TMEM117: variants seen among roughly 807,000 people sequenced by gnomAD.
TMEM117 encodes transmembrane protein 117.
TMEM117 carries 27 observed loss-of-function variants against 52.4 expected under a neutral mutation model. That is an observed-to-expected ratio of 0.51 (90% CI 0.38 to 0.71). The LOEUF is 0.71. Ranked by LOEUF, TMEM117 falls within the 30% of genes least tolerant of loss-of-function variation. TMEM117 has a pLI of 0.00. For missense variants in TMEM117, 556 were observed against 630.5 expected (o/e 0.88, Z 1.26); for synonymous variants, 215 against 206.3 (o/e 1.04, Z -0.36).
intron 4 of TMEM117, among the ~76,000 whole-genome samples, chr12:44,143,902 G>A (rs1948605605): frequency 6.6e-6 from 1 of 152,074 alleles, no homozygotes; most frequent in Non-Finnish European, 1.5e-5. Context: ...ATGTATGTTT[G>A]AGCATATAAA....
chr12:44,335,312 T>A (rs972627067), intron 6 of TMEM117, among the ~76,000 whole-genome samples: 1 of 152,078 alleles, frequency 6.6e-6, no homozygotes, highest in African/African-American at 2.4e-5. Flanking sequence ...ATATTTAGAT[T>A]AGATTACAAC....
intron 6 of TMEM117, among the ~76,000 whole-genome samples, chr12:44,311,928 TA>T (rs1252586570): frequency 2.0e-5 from 3 of 148,122 alleles, no homozygotes; most frequent in Non-Finnish European, 3.0e-5. Context: ...TATATATATA[TA>T]TTTTTCCTCC....
intron 4 of TMEM117, among the ~76,000 whole-genome samples, chr12:44,175,199 G>A (rs1031707119): frequency 1.3e-5 from 2 of 152,166 alleles, no homozygotes; most frequent in African/African-American, 4.8e-5. Context: ...ATTTCAGTTA[G>A]GAGTTTAGGC....
At chr12:44,074,864 G>GC (rs1947356854) in intron 3 of TMEM117, among the ~76,000 whole-genome samples, 1 of 151,952 alleles carries the variant, frequency 6.6e-6, no homozygotes, top group Non-Finnish European at 1.5e-5. Flanking sequence ...GAACATGCTA[G>GC]CATCTCTTGC....
chr12:44,015,586 T>A (rs886228810), intron 3 of TMEM117, among the ~76,000 whole-genome samples: 2 of 152,152 alleles, frequency 1.3e-5, no homozygotes, highest in African/African-American at 4.8e-5. Context: ...AGCTAGAACT[T>A]GCCAGAATTT....
intron 3 of TMEM117, among the ~76,000 whole-genome samples, chr12:44,076,481 A>G (rs902956046): frequency 2.7e-4 from 41 of 152,284 alleles, no homozygotes; most frequent in African/African-American, 9.6e-4. Flanking sequence ...AAAACTAATA[A>G]TGGATCATTA....
At chr12:44,175,941 A>G (rs1442604691) in intron 4 of TMEM117, among the ~76,000 whole-genome samples, 1 of 152,214 alleles carries the variant, frequency 6.6e-6, no homozygotes, top group Non-Finnish European at 1.5e-5. Context: ...TGTAGAAATA[A>G]TCTGGAGACA....
intron 5 of TMEM117, among the ~76,000 whole-genome samples, chr12:44,234,187 T>C: frequency 6.6e-6 from 1 of 151,498 alleles, no homozygotes; most frequent in Admixed American, 6.6e-5. Context: ...ATTGATTTCT[T>C]GAATATTTGG....
Position 43,864,992 on chromosome 12 carries a change from A to G in TMEM117, c.277+20064A>G, listed in dbSNP as rs917541022. On this transcript the variant is annotated intron_variant, in intron 2 of 7. Coordinates refer to ENST00000266534, the MANE Select transcript of TMEM117 (RefSeq NM_032256.3). ...AGACCCGCCACCTTAAGAGAGCTGT[A>G]ACACTCACCGTGAAGGTCTGCAGCT... Among the ~76,000 whole-genome samples the G allele has an allele frequency of 5.9e-5, 9 of 152,248 alleles. No homozygotes were observed. In the East Asian group the frequency reaches 1.4e-3, roughly 23 times the overall value.
At chr12:44,145,810 G>C (rs1948634862) in intron 4 of TMEM117, among the ~76,000 whole-genome samples, 1 of 152,168 alleles carries the variant, frequency 6.6e-6, no homozygotes, top group South Asian at 2.1e-4. Context: ...TACTGAACCT[G>C]ACAAAAGTTA....
intron 6 of TMEM117, among the ~76,000 whole-genome samples, chr12:44,374,616 TTGTGTG>T (rs5742462): frequency 0.14 from 19,839 of 144,830 alleles, 1,482 homozygotes; most frequent in Non-Finnish European, 0.18. Flanking sequence ...AAGGAACTAT[TTGTGTG>T]TGTGTGTGTG....
At chr12:44,277,076 A>C (rs1330324629) in intron 5 of TMEM117, among the ~76,000 whole-genome samples, 1 of 152,178 alleles carries the variant, frequency 6.6e-6, no homozygotes, top group Non-Finnish European at 1.5e-5. Flanking sequence ...TTGGGAAAAG[A>C]GGTAGATACA....
At chr12:43,834,678 T>A (rs951828350), upstream of TMEM117, among the ~76,000 whole-genome samples, 2 of 152,224 alleles carry the variant, frequency 1.3e-5, no homozygotes, top group Non-Finnish European at 2.9e-5. Flanking sequence ...AGCTGCTGAA[T>A]GACATTTCGG....
intron 5 of TMEM117, among the ~76,000 whole-genome samples, chr12:44,215,812 G>C (rs1311400396): frequency 6.6e-6 from 1 of 151,650 alleles, no homozygotes; most frequent in African/African-American, 2.4e-5. Flanking sequence ...GTGCTCATTA[G>C]GGCTTCACAA....
chr12:44,194,991 A>G (rs1368239218), intron 4 of TMEM117, among the ~76,000 whole-genome samples: 3 of 152,198 alleles, frequency 2.0e-5, no homozygotes, highest in South Asian at 2.1e-4. Context: ...ATTTCCATCT[A>G]TATGCTGTGC....
intron 4 of TMEM117, among the ~76,000 whole-genome samples, chr12:44,162,595 T>C (rs1948912923): frequency 6.6e-6 from 1 of 152,158 alleles, no homozygotes; most frequent in Admixed American, 6.6e-5. Context: ...TATCTTGTCC[T>C]TTTTCTCCCT....
intron 3 of TMEM117, among the ~76,000 whole-genome samples, chr12:44,052,377 A>G (rs553219556): frequency 1.8e-4 from 28 of 152,216 alleles, no homozygotes; most frequent in African/African-American, 2.6e-4. Flanking sequence ...CAGCCTCCCA[A>G]TGCACTGGCT....
intron 3 of TMEM117, among the ~76,000 whole-genome samples, chr12:44,114,389 T>C (rs1948097781): frequency 1.3e-5 from 2 of 152,132 alleles, no homozygotes; most frequent in South Asian, 2.1e-4. Flanking sequence ...TACAGTAAAA[T>C]TAAGGTGCTC....
chr12:44,225,202 T>C (rs1239333893), intron 5 of TMEM117, among the ~76,000 whole-genome samples: 1 of 152,198 alleles, frequency 6.6e-6, no homozygotes, highest in Non-Finnish European at 1.5e-5. Context: ...ATACAACTTT[T>C]AGGTTTCCCC....
Sources: allele counts gnomAD v4.1 joint callset (sites outside exome capture counted in the v4.1 genomes callset), GRCh38; gene constraint gnomAD v4.1.1; transcripts MANE v1.5; gene names NCBI Gene and HGNC (gene_info 2026-07-23, HGNC 2026-07-21).